The following PHACTR3 variants were observed in gnomAD, a reference collection of about 807,000 sequenced individuals.
PHACTR3 encodes the protein phosphatase and actin regulator 3, also known as protein phosphatase 1, regulatory subunit 123.
PHACTR3 carries 16 observed loss-of-function variants against 66.8 expected under a neutral mutation model. That is an observed-to-expected ratio of 0.24 (90% CI 0.16 to 0.36). The LOEUF (loss-of-function observed/expected upper bound fraction) is 0.36, where lower values mean the gene tolerates loss of function less well. Ranked by LOEUF, PHACTR3 falls within the 10% of genes least tolerant of loss-of-function variation. The pLI, the probability that PHACTR3 is intolerant of heterozygous loss-of-function variation, is 1.00. For missense variants in PHACTR3, 647 were observed against 719.9 expected (o/e 0.90, Z 1.16); for synonymous variants, 323 against 292.1 (o/e 1.11, Z -1.08).
intron 1 of PHACTR3, among the ~76,000 whole-genome samples, chr20:59,732,145 A>G (rs914161617): frequency 1.3e-5 from 2 of 152,184 alleles, no homozygotes; most frequent in East Asian, 1.9e-4. Context: ...AGAGGGTTTT[A>G]GTACAGACAG....
chr20:59,670,449 G>C (rs2036149052), intron 1 of PHACTR3, among the ~76,000 whole-genome samples: 2 of 152,238 alleles, frequency 1.3e-5, no homozygotes, highest in South Asian at 4.2e-4. Flanking sequence ...GGCCTCACAG[G>C]GTGCAGTCGT....
Position 59,604,871 on chromosome 20 carries a change from C to T in PHACTR3, c.-144C>T, listed in dbSNP as rs1398592937. The T allele has an allele frequency of 8.3e-7, 1 of 1,199,992 alleles. No homozygotes were observed. The highest frequency in any genetic ancestry group is 1.0e-6 in the Non-Finnish European group (1 of 969,928). The allele number at this position is 1,199,992 out of a possible 1,614,324, so 74.3% of individuals were successfully genotyped here. A position where few individuals can be genotyped will look rare whatever the true frequency, so the allele number is the denominator to read the frequency against. The stretch of plus-strand genomic sequence containing the variant: ...CGTCTTTCTCCAGCTCGTTTCCTTT[C>T]CCGGCCTTTTTTTTTTTTTTTTTTT... On this transcript the variant is annotated 5_prime_UTR_variant, in exon 1 of 13. Transcript: ENST00000371015.
At chr20:59,606,173 C>T (rs958686317) in intron 1 of PHACTR3, among the ~76,000 whole-genome samples, 14 of 152,070 alleles carry the variant, frequency 9.2e-5, no homozygotes, top group African/African-American at 2.9e-4. Context: ...AAATGGTGGG[C>T]ATCAGAATCC....
At chr20:59,634,529 C>T (rs2034779654) in intron 1 of PHACTR3, among the ~76,000 whole-genome samples, 1 of 152,226 alleles carries the variant, frequency 6.6e-6, no homozygotes, top group African/African-American at 2.4e-5. Context: ...TGGCCTGCTG[C>T]TCCTTTGTTG....
At chr20:59,619,934 G>A (rs756062809) in intron 1 of PHACTR3, among the ~76,000 whole-genome samples, 77 of 152,136 alleles carry the variant, frequency 5.1e-4, no homozygotes, top group Non-Finnish European at 9.0e-4. Context: ...TCCTGAGGCC[G>A]CAGGAGGAGT....
At chr20:59,693,145 T>G (rs1007952822) in intron 1 of PHACTR3, among the ~76,000 whole-genome samples, 1 of 152,172 alleles carries the variant, frequency 6.6e-6, no homozygotes, top group African/African-American at 2.4e-5. Flanking sequence ...GGGGTCCTGA[T>G]AGTGGCTGGC....
chr20:59,836,228 T>G (rs1189498988), intron 8 of PHACTR3: 6 of 413,158 alleles, frequency 1.5e-5, no homozygotes, highest in Admixed American at 4.6e-5. Context: ...AGGCAAGGTT[T>G]GGGCGACAGA....
chr20:59,724,241 C>A (rs2038468438), intron 1 of PHACTR3, among the ~76,000 whole-genome samples: 1 of 152,112 alleles, frequency 6.6e-6, no homozygotes, highest in Non-Finnish European at 1.5e-5. Flanking sequence ...GGCTTAATTT[C>A]ATTTACTTAA....
intron 4 of PHACTR3, among the ~76,000 whole-genome samples, chr20:59,758,354 T>C (rs1210707623): frequency 6.6e-6 from 1 of 152,228 alleles, no homozygotes; most frequent in East Asian, 1.9e-4. Flanking sequence ...TGGGCAATGA[T>C]AGAGATTTGC....
intron 1 of PHACTR3, among the ~76,000 whole-genome samples, chr20:59,636,684 A>G (rs2146409886): frequency 6.6e-6 from 1 of 152,364 alleles, no homozygotes; most frequent in Non-Finnish European, 1.5e-5. Context: ...TGTTGTAAAT[A>G]GAAATGGAGA....
At chr20:59,668,868 T>TG in intron 1 of PHACTR3, among the ~76,000 whole-genome samples, 1 of 142,404 alleles carries the variant, frequency 7.0e-6, no homozygotes, top group Non-Finnish European at 1.5e-5. Flanking sequence ...ACACAGCTAA[T>TG]TTTTTTATTT....
intron 1 of PHACTR3, among the ~76,000 whole-genome samples, chr20:59,632,551 A>G (rs977057281): frequency 6.6e-6 from 1 of 152,212 alleles, no homozygotes; most frequent in Admixed American, 6.5e-5. Context: ...AGGAAAGCTG[A>G]GCAAAGACAA....
intron 1 of PHACTR3, among the ~76,000 whole-genome samples, chr20:59,674,621 C>G (rs866983861): frequency 9.3e-6 from 1 of 107,518 alleles, no homozygotes; most frequent in African/African-American, 4.0e-5. Context: ...CCCCCCTTCT[C>G]CTGTCCCCGC....
At chr20:59,739,078 G>A (rs945467690) in intron 1 of PHACTR3, among the ~76,000 whole-genome samples, 2 of 152,172 alleles carry the variant, frequency 1.3e-5, no homozygotes, top group Non-Finnish European at 2.9e-5. Context: ...CGTGGCCTTG[G>A]GGAGAGGGTG....
At chr20:59,584,825 T>TC (rs916505039) in intron 1 of PHACTR3, among the ~76,000 whole-genome samples, 2 of 152,144 alleles carry the variant, frequency 1.3e-5, no homozygotes, top group African/African-American at 4.8e-5. Context: ...CACCCCCTAT[T>TC]CCGGGGGGAT....
chr20:59,793,416 G>T (rs1410913228), intron 7 of PHACTR3, among the ~76,000 whole-genome samples: 1 of 152,150 alleles, frequency 6.6e-6, no homozygotes, highest in Non-Finnish European at 1.5e-5. Context: ...CCCAGCCATG[G>T]ACAAAGGATA....
intron 11 of PHACTR3, chr20:59,844,929 G>GTA (rs2059124019): frequency 3.5e-6 from 1 of 289,458 alleles, no homozygotes; most frequent in South Asian, 5.1e-5. Context: ...AATATCACAT[G>GTA]TACCCTGTAT....
chr20:59,713,653 A>G (rs1162060257), intron 1 of PHACTR3, among the ~76,000 whole-genome samples: 2 of 152,034 alleles, frequency 1.3e-5, no homozygotes, highest in Non-Finnish European at 2.9e-5. Flanking sequence ...AATTTATCCA[A>G]TCTACTGTTA....
At chr20:59,651,564 A>C (rs925955275) in intron 1 of PHACTR3, among the ~76,000 whole-genome samples, 1 of 152,234 alleles carries the variant, frequency 6.6e-6, no homozygotes, top group Non-Finnish European at 1.5e-5. Context: ...CTATCCCAAA[A>C]TATCTTGGCA....
Sources: gnomAD v4.1 joint callset for allele counts (sites outside exome capture counted in the v4.1 genomes callset) on GRCh38, gnomAD v4.1.1 for gene constraint, MANE v1.5 for transcripts, NCBI Gene and HGNC (gene_info 2026-07-23, HGNC 2026-07-21) for gene names.